The following KAZN variants were observed in gnomAD, a reference collection of about 807,000 sequenced individuals.
The protein encoded by KAZN is kazrin.
Under a neutral mutation model 87.4 loss-of-function variants are expected in KAZN, and 40 were observed. That is an observed-to-expected ratio of 0.46 (90% CI 0.36 to 0.60). The LOEUF (loss-of-function observed/expected upper bound fraction) is 0.60. KAZN is among the 20% of genes least tolerant of loss of function. KAZN has a pLI of 0.00. For missense variants in KAZN, 898 were observed against 1,073.9 expected (o/e 0.84, Z 2.29); for synonymous variants, 466 against 458.3 (o/e 1.02, Z -0.22).
chr1:13,987,336 A>C (rs1390988975), intron 1 of KAZN, among the ~76,000 whole-genome samples: 1 of 151,952 alleles, frequency 6.6e-6, no homozygotes, highest in African/African-American at 2.4e-5. Flanking sequence ...CCTACCCCTC[A>C]ACAGAACCCA....
At chr1:14,807,626 G>A (rs1346495586) in intron 1 of KAZN, among the ~76,000 whole-genome samples, 3 of 152,152 alleles carry the variant, frequency 2.0e-5, no homozygotes, top group South Asian at 2.1e-4. Context: ...AGAATTAGTC[G>A]GGCATGGTGG....
At chr1:14,335,106 G>GCCCCCC (rs35092746) in intron 2 of KAZN, among the ~76,000 whole-genome samples, 1 of 146,118 alleles carries the variant, frequency 6.8e-6, no homozygotes, top group Non-Finnish European at 1.5e-5. Flanking sequence ...ATGACTCGGT[G>GCCCCCC]CCCCCCCCCC....
At chr1:14,449,730 A>G (rs1373611363) in intron 2 of KAZN, among the ~76,000 whole-genome samples, 2 of 152,190 alleles carry the variant, frequency 1.3e-5, no homozygotes, top group Non-Finnish European at 2.9e-5. Flanking sequence ...GTCTTCAATC[A>G]GTACTACCTA....
chr1:14,620,840 C>T (rs1678639480), intron 1 of KAZN, among the ~76,000 whole-genome samples: 1 of 152,164 alleles, frequency 6.6e-6, no homozygotes, highest in African/African-American at 2.4e-5. Flanking sequence ...TTGTGAGGAT[C>T]CTCAGAGGTG....
At chr1:14,511,167 C>T (rs1377475697) in intron 2 of KAZN, among the ~76,000 whole-genome samples, 1 of 152,128 alleles carries the variant, frequency 6.6e-6, no homozygotes, top group African/African-American at 2.4e-5. Context: ...TTTCCACTCA[C>T]TCTGTTGGAA....
chr1:13,982,598 C>A (rs2101083052), intron 1 of KAZN, among the ~76,000 whole-genome samples: 1 of 152,300 alleles, frequency 6.6e-6, no homozygotes, highest in South Asian at 2.1e-4. Context: ...TTATCTGGCC[C>A]CACCCACATC....
rs397935872 is a variant in KAZN at position 14,399,817 on chromosome 1, C to CAT, written c.250-199166_250-199165insAT. Among the ~76,000 whole-genome samples, 4 of 151,552 alleles carry CAT rather than the reference C, an allele frequency of 2.6e-5. No homozygotes were observed. The East Asian group carries it at 5.8e-4, about 22-fold the overall frequency. On this transcript the variant is annotated intron_variant, in intron 2 of 16. Transcript: ENST00000636203. The stretch of plus-strand genomic sequence containing the variant: ...TCCCCGAGGCTCTACTCATCAATTA[C>CAT]CTCTTCCCTCCCCATACCCTTTTGC...
At chr1:14,857,145 AAC>A (rs1167278327) in intron 1 of KAZN, among the ~76,000 whole-genome samples, 2 of 133,424 alleles carry the variant, frequency 1.5e-5, no homozygotes, top group Admixed American at 7.1e-5. Flanking sequence ...GCTTCTCTGA[AAC>A]ACAGTTTTCT....
Position 14,514,639 on chromosome 1 carries a change from A to C in KAZN, c.250-84344A>C, listed in dbSNP as rs74742612. On this transcript the variant is annotated intron_variant, in intron 2 of 16. Transcript: ENST00000636203. ...TATATATATATATATATATATATAT[A>C]TCTCAAATTGCAAAAGTATAGCAAG... 6.1e-3 allele frequency among the ~76,000 whole-genome samples: 440 copies of C among 72,622 alleles called. 7 individuals are homozygous for C. Among genetic ancestry groups the C allele is most frequent in the African/African-American group, 0.02 (386 of 18,872 alleles). The allele number at this position is 72,622 out of a possible 152,430, so 47.6% of individuals were successfully genotyped here.
At chr1:15,101,857 C>T in intron 11 of KAZN, 83 bp downstream of exon 11, 2 of 864,974 alleles carry the variant, frequency 2.3e-6, no homozygotes, top group Admixed American at 2.0e-5. Context: ...CATCTGTCCA[C>T]CCACTACCCG....
chr1:15,001,374 G>A (rs1023601409), intron 2 of KAZN, among the ~76,000 whole-genome samples: 6 of 151,362 alleles, frequency 4.0e-5, no homozygotes, highest in African/African-American at 1.5e-4. Flanking sequence ...GCTGAGGCAC[G>A]AGAATCACTT....
chr1:14,780,152 T>G (rs1445272667), intron 1 of KAZN, among the ~76,000 whole-genome samples: 1 of 152,238 alleles, frequency 6.6e-6, no homozygotes, highest in Non-Finnish European at 1.5e-5. Flanking sequence ...TAAACGTGTT[T>G]CTTCTTTAGG....
intron 8 of KAZN, among the ~76,000 whole-genome samples, chr1:15,092,922 CT>C (rs35897426): frequency 1.6e-3 from 228 of 144,808 alleles, no homozygotes; most frequent in Non-Finnish European, 1.8e-3. Context: ...GGTGGATGAA[CT>C]TTTTTTTTTT....
At chr1:13,895,784 C>T (rs534292296) in intron 1 of KAZN, among the ~76,000 whole-genome samples, 1 of 152,220 alleles carries the variant, frequency 6.6e-6, no homozygotes, top group East Asian at 1.9e-4. Context: ...CACCGAGTAC[C>T]TACTATGTAC....
intron 1 of KAZN, among the ~76,000 whole-genome samples, chr1:14,729,047 C>A (rs1643554739): frequency 6.7e-6 from 1 of 149,846 alleles, no homozygotes; most frequent in Non-Finnish European, 1.5e-5. Context: ...GGAGAGTGGC[C>A]CTGGCGTGAC....
intron 2 of KAZN, among the ~76,000 whole-genome samples, chr1:14,221,055 A>G (rs779080311): frequency 6.6e-6 from 1 of 152,048 alleles, no homozygotes; most frequent in Non-Finnish European, 1.5e-5. Context: ...CCTGCCCCCA[A>G]GGAGTTCACT....
chr1:14,093,718 T>G (rs895853380), intron 1 of KAZN, among the ~76,000 whole-genome samples: 1 of 152,154 alleles, frequency 6.6e-6, no homozygotes, highest in African/African-American at 2.4e-5. Flanking sequence ...CATAACCAAT[T>G]TATTTGATCA....
At chr1:14,492,672 ACTACACAC>A (rs1368475803) in intron 2 of KAZN, among the ~76,000 whole-genome samples, 37 of 58,524 alleles carry the variant, frequency 6.3e-4, no homozygotes, top group Non-Finnish European at 7.5e-4. Context: ...ACAAATACAC[ACTACACAC>A]CACACACACA....
intron 2 of KAZN, among the ~76,000 whole-genome samples, chr1:14,457,671 A>C (rs1441609019): frequency 1.3e-5 from 2 of 152,172 alleles, no homozygotes; most frequent in Non-Finnish European, 2.9e-5. Flanking sequence ...TTTTCAATGA[A>C]TTTATAGATT....
Sources: allele counts gnomAD v4.1 joint callset (sites outside exome capture counted in the v4.1 genomes callset), GRCh38; gene constraint gnomAD v4.1.1; transcripts MANE v1.5; gene names NCBI Gene and HGNC (gene_info 2026-07-23, HGNC 2026-07-21).